Variants in COL9A1 observed in about 807,000 individuals in gnomAD.
COL9A1 encodes the protein collagen type IX alpha 1 chain.
In COL9A1, 104 loss-of-function variants were observed where a neutral mutation model predicts 142.6. The ratio of observed to expected loss-of-function variants is 0.73; its 90% CI spans 0.62 to 0.86. The LOEUF (loss-of-function observed/expected upper bound fraction) is 0.86. COL9A1 is among the 40% of genes least tolerant of loss of function. COL9A1 has a pLI of 0.00. For synonymous variants in COL9A1, 466 were observed against 396.0 expected (o/e 1.18, Z -2.10); for missense variants, 1,210 against 1,176.6 (o/e 1.03, Z -0.42).
chr6:70,278,787 C>T (rs1319011860), intron 10 of COL9A1, among the ~76,000 whole-genome samples: 1 of 152,198 alleles, frequency 6.6e-6, no homozygotes, highest in Non-Finnish European at 1.5e-5. Context: ...CTATGTTGTA[C>T]TTCTAAAAAT....
chr6:70,218,975 C>A (rs768138513), intron 37 of COL9A1, among the ~76,000 whole-genome samples: 2 of 152,098 alleles, frequency 1.3e-5, no homozygotes, highest in Admixed American at 6.5e-5. Flanking sequence ...TTCAACTATA[C>A]CTAGTAAGTA....
chr6:70,259,069 T>C (rs1771508052), intron 20 of COL9A1, among the ~76,000 whole-genome samples: 2 of 152,024 alleles, frequency 1.3e-5, no homozygotes, highest in South Asian at 4.2e-4. Context: ...AAAAGAAATA[T>C]TGATTGAAAA....
chr6:70,269,880 A>G (rs1169397883), intron 15 of COL9A1, among the ~76,000 whole-genome samples: 3 of 152,184 alleles, frequency 2.0e-5, no homozygotes, highest in Non-Finnish European at 4.4e-5. Flanking sequence ...GAAGACATTG[A>G]AGGGAAACGA....
At chr6:70,218,612 A>C (rs1158197635) in intron 37 of COL9A1, among the ~76,000 whole-genome samples, 2 of 152,006 alleles carry the variant, frequency 1.3e-5, no homozygotes, top group Non-Finnish European at 2.9e-5. Flanking sequence ...CTACATGTTC[A>C]ACTACATATT....
At chr6:70,277,175 T>A (rs924883059) in intron 10 of COL9A1, among the ~76,000 whole-genome samples, 2 of 152,166 alleles carry the variant, frequency 1.3e-5, no homozygotes, top group Non-Finnish European at 2.9e-5. Context: ...TTATCTCATA[T>A]GGGTGTTATA....
At position 70,303,012 on chromosome 6, in the gene COL9A1, G is replaced by T; in HGVS notation, c.-88C>A. The T allele has an allele frequency of 1.5e-6, 2 of 1,368,022 alleles. No homozygotes were observed. The highest frequency in any genetic ancestry group is 1.0e-6 in the Non-Finnish European group (1 of 955,998). 84.7% of individuals were successfully genotyped at this position (1,368,022 alleles called of 1,614,324 possible). A position where few individuals can be genotyped will look rare whatever the true frequency, so the allele number is the denominator to read the frequency against. Reference sequence around the variant, plus strand: ...ACTGTCCCCTCACGACCCCTTCACTGTTACCCTAGGACTATGTGTTCTGGG... The same window carrying T: ...ACTGTCCCCTCACGACCCCTTCACTTTTACCCTAGGACTATGTGTTCTGGG... On this transcript the variant is annotated 5_prime_UTR_variant, in exon 1 of 38. Coordinates refer to ENST00000357250, the MANE Select transcript of COL9A1 (RefSeq NM_001851.6).
intron 2 of COL9A1, among the ~76,000 whole-genome samples, chr6:70,300,672 G>A (rs1774030919): frequency 6.6e-6 from 1 of 152,154 alleles, no homozygotes; most frequent in East Asian, 1.9e-4. Context: ...AAGGCACAAA[G>A]TTGCTCTAAT....
chr6:70,266,241 T>C (rs948492017), intron 18 of COL9A1, among the ~76,000 whole-genome samples: 22 of 152,192 alleles, frequency 1.4e-4, no homozygotes, highest in African/African-American at 4.8e-4. Context: ...CTAGGTTATA[T>C]TGAAATGAGG....
chr6:70,240,843 A>G (rs939211509), intron 31 of COL9A1, 110 bp from the exon 32 acceptor site: 12 of 858,810 alleles, frequency 1.4e-5, no homozygotes, highest in Non-Finnish European at 2.4e-5. Flanking sequence ...TCCCAGAATC[A>G]TGCAGAAATA....
At chr6:70,235,020 T>G in intron 33 of COL9A1, 80 bp from the exon 34 acceptor site, 5 of 1,586,958 alleles carry the variant, frequency 3.2e-6, no homozygotes, top group Non-Finnish European at 4.3e-6. Context: ...AACACTTATA[T>G]GAAATTTGCG....
chr6:70,230,450 A>G (rs1329995586), intron 36 of COL9A1, among the ~76,000 whole-genome samples: 3 of 152,176 alleles, frequency 2.0e-5, no homozygotes, highest in African/African-American at 7.2e-5. Flanking sequence ...TGGAAAAGGG[A>G]AAAGAATTGT....
chr6:70,253,327 G>T (rs772974032), intron 26 of COL9A1, 58 bp downstream of exon 26: 2 of 1,117,116 alleles, frequency 1.8e-6, no homozygotes, highest in Non-Finnish European at 2.7e-6. Context: ...TTACAAATAC[G>T]TTAGTAAATA....
chr6:70,301,916 C>T (rs1774077687), intron 2 of COL9A1, 85 bp downstream of exon 2: 3 of 1,078,640 alleles, frequency 2.8e-6, no homozygotes, highest in Non-Finnish European at 4.2e-6. Context: ...ATGAATGCCT[C>T]ACTCAGTCTT....
At chr6:70,231,935 AC>A (rs1444552661) in intron 36 of COL9A1, among the ~76,000 whole-genome samples, 2 of 152,186 alleles carry the variant, frequency 1.3e-5, no homozygotes, top group African/African-American at 4.8e-5. Context: ...CCTGCTGAGT[AC>A]CTAACACACT....
At position 70,275,391 on chromosome 6, in the gene COL9A1, T is replaced by C. The variant is rs563299753; in HGVS notation, c.976-619A>G. On this transcript the variant is annotated intron_variant, in intron 10 of 37. Coordinates refer to ENST00000357250, the MANE Select transcript of COL9A1 (RefSeq NM_001851.6). Reference sequence around the variant, plus strand: ...AAACATTTGAAAGCATGCATGTTTCTACATTATTTTTCTTAGTAAAAATAG... The same window carrying C: ...AAACATTTGAAAGCATGCATGTTTCCACATTATTTTTCTTAGTAAAAATAG... Among the ~76,000 whole-genome samples, 211 of 152,304 alleles carry C rather than the reference T, an allele frequency of 1.4e-3. 2 individuals carry two copies. The highest frequency in any genetic ancestry group is 4.9e-3 in the African/African-American group (204 of 41,586).
In COL9A1 at chr6:70,294,315, A is replaced by G. The variant is rs759724577; in HGVS notation, c.548T>C (p.Ile183Thr). Residue 183 changes from isoleucine to threonine, a missense_variant, in exon 5 of 38, where the codon ATC (isoleucine) becomes ACC (threonine). Ile to Thr is a moderately conservative substitution (Grantham distance 89). Transcript: ENST00000357250. ...SSLFDSQWHK[I>T]MIGVERSSAT... ...ACTACTCCTCTCCACGCCAATCATGATCTTATGCCACTGGGAATCAAACAA... is the reference window on the plus strand; with the variant it reads ...ACTACTCCTCTCCACGCCAATCATGGTCTTATGCCACTGGGAATCAAACAA... 9.3e-6 allele frequency: 15 copies of G among 1,613,932 alleles called. No homozygotes were observed. The Admixed American group carries it at 2.2e-4, about 23-fold the overall frequency.
At chr6:70,255,642 T>C (rs1433053367) in intron 21 of COL9A1, among the ~76,000 whole-genome samples, 9 of 152,228 alleles carry the variant, frequency 5.9e-5, no homozygotes, top group Non-Finnish European at 2.9e-5. Flanking sequence ...CTCTGTGTTC[T>C]TGTGTGTAAC....
At chr6:70,281,095 C>A (rs1773132914) in intron 8 of COL9A1, 56 bp from the exon 9 acceptor site, 2 of 1,431,838 alleles carry the variant, frequency 1.4e-6, no homozygotes, top group Non-Finnish European at 1.9e-6. Flanking sequence ...GGCTGAGGAC[C>A]CCACTGGGAC....
At chr6:70,266,573 C>T (rs1772030167) in intron 18 of COL9A1, 144 bp downstream of exon 18, 2 of 720,288 alleles carry the variant, frequency 2.8e-6, no homozygotes, top group South Asian at 1.7e-5. Context: ...ATTGATGCAT[C>T]TGCTTAGAAC....
Sources: gnomAD v4.1 joint callset for allele counts (sites outside exome capture counted in the v4.1 genomes callset) on GRCh38, gnomAD v4.1.1 for gene constraint, MANE v1.5 for transcripts, NCBI Gene and HGNC (gene_info 2026-07-23, HGNC 2026-07-21) for gene names.